RASGRP3: variants seen among roughly 807,000 people sequenced by gnomAD.
The protein encoded by RASGRP3 is RAS guanyl releasing protein 3, also known as ras guanyl-releasing protein 3.
A neutral mutation model predicts 82.7 loss-of-function variants in RASGRP3; 54 were observed. The observed-to-expected ratio is 0.65, with a 90% CI of 0.52 to 0.82. The LOEUF (loss-of-function observed/expected upper bound fraction) is 0.82. Ranked by LOEUF, RASGRP3 falls within the 40% of genes least tolerant of loss-of-function variation. The probability of loss-of-function intolerance (pLI) is 0.00; values close to 1 mark genes in which losing one functional copy is unlikely to be tolerated. For synonymous variants in RASGRP3, 309 were observed against 300.5 expected (o/e 1.03, Z -0.29); for missense variants, 861 against 828.9 (o/e 1.04, Z -0.48).
Position 33,563,961 on chromosome 2 carries a change from A to AATG in RASGRP3, c.*1227_*1229dup, listed in dbSNP as rs1433470711. On this transcript the variant is annotated 3_prime_UTR_variant, in exon 18 of 18. Coordinates refer to ENST00000403687, the MANE Select transcript of RASGRP3 (RefSeq NM_001139488.2). ...TGGGACTGAGCCTGTGAATGACAGG[A>AATG]ATGATCTATTACCAGGTGACTAGTC... is the stretch of plus-strand genomic sequence containing the variant. The AATG allele has an allele frequency of 6.6e-6, 1 of 152,194 alleles. No homozygotes were observed. The highest frequency in any genetic ancestry group is 2.4e-5 in the African/African-American group (1 of 41,460). The allele number at this position is 152,194 out of a possible 1,614,324, so 9.4% of individuals were successfully genotyped here.
intron 1 of RASGRP3, among the ~76,000 whole-genome samples, chr2:33,498,942 G>A (rs1377478983): frequency 6.6e-6 from 1 of 151,928 alleles, no homozygotes; most frequent in Admixed American, 6.6e-5. Context: ...CAACAGACAA[G>A]AAAGTGACTG....
intron 4 of RASGRP3, among the ~76,000 whole-genome samples, chr2:33,517,975 T>C (rs1279821646): frequency 6.6e-6 from 1 of 152,126 alleles, no homozygotes. Context: ...TAAATATTTG[T>C]TAAAAAGAAT....
chr2:33,486,072 A>T (rs914009476), intron 1 of RASGRP3, among the ~76,000 whole-genome samples: 1 of 152,244 alleles, frequency 6.6e-6, no homozygotes. Context: ...CATGTAGGTA[A>T]CAAAAGTAAG....
At chr2:33,460,515 A>AT (rs1382205969) in intron 2 of RASGRP3, among the ~76,000 whole-genome samples, 2 of 148,336 alleles carry the variant, frequency 1.3e-5, no homozygotes, top group Non-Finnish European at 3.0e-5. Flanking sequence ...TTTTAGATAT[A>AT]ATTTTTTTTT....
At position 33,555,445 on chromosome 2, in the gene RASGRP3, C is replaced by G. The variant is rs535774748; in HGVS notation, c.1543-86C>G. The G allele has an allele frequency of 1.1e-3, 1,290 of 1,214,156 alleles. 3 individuals carry two copies. The highest frequency in any genetic ancestry group is 1.4e-3 in the Non-Finnish European group (1,198 of 846,394). 75.2% of individuals were successfully genotyped at this position (1,214,156 alleles called of 1,614,324 possible). ...TGTTTGTGCCTGGCCAGTCCTGAAG[C>G]TTCCCAGGACTTCCTTTTCAGTGGC... is the stretch of plus-strand genomic sequence containing the variant. On this transcript the variant is annotated intron_variant, in intron 14 of 17. Transcript: ENST00000403687.
chr2:33,516,697 T>G (rs184008175), intron 4 of RASGRP3, 53 bp downstream of exon 4: 72 of 1,215,078 alleles, frequency 5.9e-5, no homozygotes, highest in Non-Finnish European at 8.3e-5. Flanking sequence ...AGCTCTGTAT[T>G]TAGATAGAGT....
intron 12 of RASGRP3, chr2:33,539,950 TGCACTCCA>T (rs1268908377): frequency 6.7e-6 from 1 of 148,800 alleles, no homozygotes; most frequent in Non-Finnish European, 1.5e-5. Flanking sequence ...ATCGCGCCAC[TGCACTCCA>T]GCCTGGGAGA....
intron 1 of RASGRP3, among the ~76,000 whole-genome samples, chr2:33,495,838 C>T (rs1669255866): frequency 6.6e-6 from 1 of 152,192 alleles, no homozygotes; most frequent in Non-Finnish European, 1.5e-5. Flanking sequence ...ATGGTAATGT[C>T]ACTTGGTCTC....
At chr2:33,464,641 T>G (rs1173247648) in intron 2 of RASGRP3, among the ~76,000 whole-genome samples, 1 of 152,142 alleles carries the variant, frequency 6.6e-6, no homozygotes, top group Non-Finnish European at 1.5e-5. Context: ...CCAAGCTGAT[T>G]TCTTTTCTTA....
chr2:33,522,736 T>A (rs1205609778), intron 7 of RASGRP3, among the ~76,000 whole-genome samples: 2 of 152,234 alleles, frequency 1.3e-5, no homozygotes, highest in Admixed American at 6.5e-5. Flanking sequence ...GCCACTTTGC[T>A]TTGTCTCGCC....
chr2:33,473,332 G>A (rs562793085), upstream of RASGRP3, among the ~76,000 whole-genome samples: 95 of 152,036 alleles, frequency 6.2e-4, no homozygotes, highest in South Asian at 2.7e-3. Flanking sequence ...GCAGTGAGCC[G>A]AGATCGCGCC....
Position 33,460,969 on chromosome 2 carries a change from C to T in RASGRP3, c.-261+13026C>T, listed in dbSNP as rs149272519. Among the ~76,000 whole-genome samples the T allele has an allele frequency of 5.8e-3, 889 of 152,342 alleles. 7 individuals are homozygous for T. The highest frequency in any genetic ancestry group is 0.054 in the Middle Eastern group (16 of 294). On this transcript the variant is annotated intron_variant, in intron 2 of 18. Transcript: ENST00000402538. ...AGGAATTCAAATACCTATCAAACTT[C>T]ACTGCTTAGGTTGATAGTTTTCGAG...
At chr2:33,487,608 AT>A (rs768157150) in intron 1 of RASGRP3, among the ~76,000 whole-genome samples, 9 of 152,326 alleles carry the variant, frequency 5.9e-5, no homozygotes, top group Non-Finnish European at 1.0e-4. Context: ...AAATCAAAAA[AT>A]ATCTTCCTAT....
intron 12 of RASGRP3, chr2:33,540,199 G>A (rs147090727): frequency 1.4e-5 from 2 of 147,454 alleles, no homozygotes; most frequent in East Asian, 3.9e-4. Context: ...AAGAAAGAAT[G>A]TCTTACATCT....
intron 10 of RASGRP3, among the ~76,000 whole-genome samples, chr2:33,528,592 A>G (rs979866557): frequency 2.6e-5 from 4 of 152,230 alleles, no homozygotes; most frequent in African/African-American, 9.6e-5. Context: ...AATGAAACCA[A>G]TAACTCCTCT....
intron 10 of RASGRP3, chr2:33,530,880 CA>C (rs1673055383): frequency 1.3e-5 from 2 of 152,152 alleles, no homozygotes; most frequent in Non-Finnish European, 2.9e-5. Context: ...CTGGAGAGGA[CA>C]TTTGCCTTAC....
intron 4 of RASGRP3, among the ~76,000 whole-genome samples, chr2:33,519,412 C>T (rs529560652): frequency 6.6e-6 from 1 of 152,226 alleles, no homozygotes; most frequent in East Asian, 1.9e-4. Flanking sequence ...GTCAGGAGAT[C>T]AAGACCATCC....
chr2:33,462,859 A>G (rs1184587901), intron 2 of RASGRP3, among the ~76,000 whole-genome samples: 1 of 152,242 alleles, frequency 6.6e-6, no homozygotes, highest in Non-Finnish European at 1.5e-5. Flanking sequence ...CTAATGCTTG[A>G]ATAGAAAGGA....
intron 7 of RASGRP3, 77 bp from the exon 8 acceptor site, chr2:33,523,802 T>G: frequency 7.5e-7 from 1 of 1,340,938 alleles, no homozygotes; most frequent in Non-Finnish European, 1.0e-6. Context: ...TATCTCACCT[T>G]TTCTATGCAA....
Sources: allele counts gnomAD v4.1 joint callset (sites outside exome capture counted in the v4.1 genomes callset), GRCh38; gene constraint gnomAD v4.1.1; transcripts MANE v1.5; gene names NCBI Gene and HGNC (gene_info 2026-07-23, HGNC 2026-07-21).